The following KLHL42 variants were observed in gnomAD, a reference collection of about 807,000 sequenced individuals.
KLHL42 encodes kelch-like protein 42.
In KLHL42, 27 loss-of-function variants were observed where a neutral mutation model predicts 32.7. The observed-to-expected ratio is 0.83, with a 90% CI of 0.61 to 1.14. KLHL42 has a LOEUF of 1.14. KLHL42 is among the 50% of genes most tolerant of loss of function. The probability of loss-of-function intolerance (pLI) is 0.00; values close to 1 mark genes in which losing one functional copy is unlikely to be tolerated. For missense variants in KLHL42, 491 were observed against 560.8 expected, an observed-to-expected ratio of 0.88 and a Z score of 1.26; for synonymous variants, 267 against 248.2, an observed-to-expected ratio of 1.08 and a Z score of -0.71.
At position 27,780,276 on chromosome 12, in the gene KLHL42, G is replaced by A. The variant is rs1054931640; in HGVS notation, c.-55G>A. ...CGGAACCGGCGCGCGCGTAGGGGCTGGGAGGCCGGCGCGCAGATCTGGCGG... is the reference window on the plus strand; with the variant it reads ...CGGAACCGGCGCGCGCGTAGGGGCTAGGAGGCCGGCGCGCAGATCTGGCGG... On this transcript the variant is annotated 5_prime_UTR_variant, in exon 1 of 3. Transcript: ENST00000381271. This position sits in a 1 kb window ranked among gnomAD's most constrained non-coding sequence, Gnocchi z 8.8. The A allele has an allele frequency of 3.8e-5, 57 of 1,480,960 alleles. No homozygotes were observed. The highest frequency in any genetic ancestry group is 1.5e-5 in the African/African-American group (1 of 68,068). The allele number at this position is 1,480,960 out of a possible 1,614,324, so 91.7% of individuals were successfully genotyped here.
intron 1 of KLHL42, among the ~76,000 whole-genome samples, chr12:27,787,293 G>A (rs1406318857): frequency 2.6e-5 from 4 of 151,702 alleles, no homozygotes; most frequent in Non-Finnish European, 5.9e-5. Context: ...TCAGAGGTTC[G>A]AGACCAGCCT....
Position 27,781,469 on chromosome 12 carries a change from C to T in KLHL42, c.872+267C>T, listed in dbSNP as rs1427333572. Reference sequence around the variant, plus strand: ...TGAAACTGCTTTCTTTGCCTCTGTTCTTGTGAAAAAAGATGTTGTGGTTTC... The same window carrying T: ...TGAAACTGCTTTCTTTGCCTCTGTTTTTGTGAAAAAAGATGTTGTGGTTTC... On this transcript the variant is annotated intron_variant, in intron 1 of 2. Coordinates refer to ENST00000381271, the MANE Select transcript of KLHL42 (RefSeq NM_020782.2). Among the ~76,000 whole-genome samples, 4 of 152,200 alleles carry T rather than the reference C, an allele frequency of 2.6e-5. No homozygotes were observed. In the East Asian group the frequency reaches 5.8e-4, roughly 22 times the overall value.
intron 2 of KLHL42, among the ~76,000 whole-genome samples, chr12:27,796,642 T>G (rs1279682311): frequency 6.6e-6 from 1 of 152,180 alleles, no homozygotes; most frequent in Non-Finnish European, 1.5e-5. Flanking sequence ...AATTACTTTT[T>G]TTTTTGAGAG....
At chr12:27,791,166 G>A (rs766434100) in intron 1 of KLHL42, among the ~76,000 whole-genome samples, 2 of 152,180 alleles carry the variant, frequency 1.3e-5, no homozygotes, top group Non-Finnish European at 2.9e-5. Context: ...CCTTGGAGGC[G>A]GGAGGCAGGA....
At chr12:27,788,266 C>T (rs1264823753) in intron 1 of KLHL42, 1 of 152,152 alleles carries the variant, frequency 6.6e-6, no homozygotes, top group Non-Finnish European at 1.5e-5. Flanking sequence ...ATTTCTTGAG[C>T]TCTTACTCTG....
chr12:27,792,132 G>A (rs1320852393), intron 2 of KLHL42: 4 of 327,458 alleles, frequency 1.2e-5, no homozygotes, highest in African/African-American at 2.5e-5. Flanking sequence ...GGAAGGGAGA[G>A]CTGTGAAAAA....
Position 27,800,212 on chromosome 12 carries a change from C to T in KLHL42, c.*2046C>T. ...TATCAAATACAATATTCCAGCCAAC[C>T]AGTTAATTCTCTTCCTGGTTACATT... On this transcript the variant is annotated 3_prime_UTR_variant, in exon 3 of 3. Transcript: ENST00000381271. 1 of 985,276 alleles carries T rather than the reference C, an allele frequency of 1.0e-6. No homozygotes were observed. The highest frequency in any genetic ancestry group is 1.2e-6 in the Non-Finnish European group (1 of 829,912). The allele number at this position is 985,276 out of a possible 1,614,324, so 61.0% of individuals were successfully genotyped here. A position where few individuals can be genotyped will look rare whatever the true frequency, so the allele number is the denominator to read the frequency against.
chr12:27,787,436 G>A (rs193226952), intron 1 of KLHL42, among the ~76,000 whole-genome samples: 2 of 150,848 alleles, frequency 1.3e-5, no homozygotes, highest in Admixed American at 6.6e-5. Flanking sequence ...GGGAGGTTGC[G>A]GTGAGCCAAG....
intron 2 of KLHL42, among the ~76,000 whole-genome samples, chr12:27,793,370 T>C (rs1375780574): frequency 6.7e-6 from 1 of 150,246 alleles, no homozygotes; most frequent in Non-Finnish European, 1.5e-5. Flanking sequence ...CAAGACCCCT[T>C]CTCTAAAAAT....
rs114781597 is a variant in KLHL42 at position 27,787,016 on chromosome 12, C to T, written c.873-4692C>T. Reference sequence around the variant, plus strand: ...CTGGGATTATAGACATGAGCCACCGCGCCCGGCCAATTGAGAGATTTTATA... The same window carrying T: ...CTGGGATTATAGACATGAGCCACCGTGCCCGGCCAATTGAGAGATTTTATA... On this transcript the variant is annotated intron_variant, in intron 1 of 2. Transcript: ENST00000381271. 3.0e-3 allele frequency among the ~76,000 whole-genome samples: 457 copies of T among 151,970 alleles called. 1 individual carries two copies. Among genetic ancestry groups the T allele is most frequent in the African/African-American group, 0.011 (443 of 41,450 alleles).
At chr12:27,783,889 T>G (rs1461418275) in intron 1 of KLHL42, among the ~76,000 whole-genome samples, 2 of 152,084 alleles carry the variant, frequency 1.3e-5, no homozygotes, top group African/African-American at 4.8e-5. Context: ...CGGCCTTACC[T>G]CACGCTTTTT....
chr12:27,797,078 G>A (rs986627054), intron 2 of KLHL42, among the ~76,000 whole-genome samples: 2 of 151,722 alleles, frequency 1.3e-5, no homozygotes, highest in Middle Eastern at 3.2e-3. Flanking sequence ...TCTCTCTGGT[G>A]ATATAATGGG....
chr12:27,798,259 A>G lies in KLHL42; in HGVS notation c.*93A>G. The G allele has an allele frequency of 1.5e-6, 1 of 675,962 alleles. No individual in the cohort carries two copies. Among genetic ancestry groups the G allele is most frequent in the South Asian group, 1.7e-5 (1 of 57,626 alleles). The allele number at this position is 675,962 out of a possible 1,614,324, so 41.9% of individuals were successfully genotyped here. ...AGGGAGACCAATTCCTAAAGGGTAA[A>G]GAAGGGTTAAAGTAGGTCACATATA... On this transcript the variant is annotated 3_prime_UTR_variant, in exon 3 of 3. Transcript: ENST00000381271.
intron 2 of KLHL42, chr12:27,797,143 A>T (rs78375502): frequency 7.2e-6 from 3 of 414,702 alleles, no homozygotes; most frequent in African/African-American, 4.2e-5. Context: ...ACAAAAAAAA[A>T]ACTGGAAACT....
At chr12:27,797,606 T>A in intron 2 of KLHL42, 109 bp from the exon 3 acceptor site, 1 of 647,232 alleles carries the variant, frequency 1.5e-6, no homozygotes, top group South Asian at 1.9e-5. Context: ...TCTGAAAGAG[T>A]TTTTTCTCTT....
intron 2 of KLHL42, chr12:27,797,338 A>G: frequency 1.3e-5 from 6 of 463,934 alleles, no homozygotes; most frequent in Non-Finnish European, 2.2e-5. Context: ...TGGCTTCTGT[A>G]TTAAGTAGTC....
intron 1 of KLHL42, among the ~76,000 whole-genome samples, chr12:27,790,026 G>T (rs1253839692): frequency 6.6e-6 from 1 of 152,086 alleles, no homozygotes; most frequent in Non-Finnish European, 1.5e-5. Context: ...CACTTTTTAG[G>T]GGATCAAGCA....
Position 27,791,943 on chromosome 12 carries a change from C to T in KLHL42, c.1066+42C>T, listed in dbSNP as rs753814351. The T allele has an allele frequency of 1.5e-5, 23 of 1,571,886 alleles. No homozygotes were observed. In the East Asian group the frequency reaches 2.2e-4, roughly 15 times the overall value. The stretch of plus-strand genomic sequence containing the variant: ...GGTAGGTGGTCTGCCCATGTGTAGG[C>T]GTCAGCAGTCTGGGAAGGGCAAGAG... On this transcript the variant is annotated intron_variant, in intron 2 of 2. Coordinates refer to ENST00000381271, the MANE Select transcript of KLHL42 (RefSeq NM_020782.2).
rs910868067 is a variant in KLHL42, at chr12:27,780,363, G to A, written c.33G>A (p.Leu11=). 12 of 1,582,748 alleles carry A rather than the reference G, an allele frequency of 7.6e-6. No individual in the cohort carries two copies. In the African/African-American group the frequency reaches 1.5e-4, roughly 20 times the overall value. ...CCGAGGAGATGGTGCAGATCCGCCT[G>A]GAGGACCGCTGCTACCCGGTGAGCA... MSAEEMVQIR[L]EDRCYPVSKR... is the part of the protein sequence containing the mutation. The change falls in exon 1 of 3, where the codon CTG becomes CTA. Residue 11 remains leucine (L), a synonymous_variant. Coordinates refer to ENST00000381271, the MANE Select transcript of KLHL42 (RefSeq NM_020782.2). This position sits in a 1 kb window ranked among gnomAD's most constrained non-coding sequence, Gnocchi z 8.8.
Sources: gnomAD v4.1 joint callset for allele counts (sites outside exome capture counted in the v4.1 genomes callset) on GRCh38, gnomAD v4.1.1 for gene constraint, Gnocchi (gnomAD v3.1) non-coding constraint, MANE v1.5 for transcripts, NCBI Gene and HGNC (gene_info 2026-07-23, HGNC 2026-07-21) for gene names.